Variants in EPHA3 observed in about 807,000 individuals in gnomAD.
EPHA3 encodes the protein EPH receptor A3, also known as ephrin type-A receptor 3.
A neutral mutation model predicts 107.1 loss-of-function variants in EPHA3; 42 were observed. That is an observed-to-expected ratio of 0.39 (90% CI 0.31 to 0.51). The LOEUF (loss-of-function observed/expected upper bound fraction) is 0.51. Ranked by LOEUF, EPHA3 falls within the 20% of genes least tolerant of loss-of-function variation. The pLI is 0.78. For synonymous variants in EPHA3, 461 were observed against 424.8 expected, an observed-to-expected ratio of 1.09 and a Z score of -1.05; for missense variants, 1,183 against 1,211.2, an observed-to-expected ratio of 0.98 and a Z score of 0.35.
chr3:89,127,499 G>A (rs1225918819), intron 2 of EPHA3, among the ~76,000 whole-genome samples: 1 of 151,844 alleles, frequency 6.6e-6, no homozygotes, highest in Non-Finnish European at 1.5e-5. Flanking sequence ...TGCTTGAATG[G>A]ACTGATTAAA....
At chr3:89,292,450 C>T (rs534721127) in intron 3 of EPHA3, among the ~76,000 whole-genome samples, 1 of 152,206 alleles carries the variant, frequency 6.6e-6, no homozygotes, top group African/African-American at 2.4e-5. Context: ...CCACAGGGGT[C>T]CTGGAACGAG....
chr3:89,351,337 C>A (rs1485532260), intron 5 of EPHA3, among the ~76,000 whole-genome samples: 1 of 151,146 alleles, frequency 6.6e-6, no homozygotes, highest in Non-Finnish European at 1.5e-5. Flanking sequence ...TTTTTTAAGC[C>A]GGTCTGAAAA....
chr3:89,175,235 A>G (rs528974085), intron 2 of EPHA3, among the ~76,000 whole-genome samples: 80 of 152,256 alleles, frequency 5.3e-4, no homozygotes, highest in Non-Finnish European at 1.0e-3. Flanking sequence ...CCAACACTTG[A>G]TAATTTACAG....
chr3:89,319,949 ACAGAACAAAGT>A (rs1707004829), intron 3 of EPHA3, among the ~76,000 whole-genome samples: 1 of 151,978 alleles, frequency 6.6e-6, no homozygotes, highest in Admixed American at 6.6e-5. Context: ...ATATACAATA[ACAGAACAAAGT>A]GGTATTTATA....
intron 2 of EPHA3, among the ~76,000 whole-genome samples, chr3:89,177,768 A>T (rs776942462): frequency 6.6e-6 from 1 of 152,148 alleles, no homozygotes; most frequent in Non-Finnish European, 1.5e-5. Context: ...TGTAGTCCTG[A>T]CAACATTTGA....
At chr3:89,442,132 A>T (rs1709797525) in intron 13 of EPHA3, among the ~76,000 whole-genome samples, 1 of 152,180 alleles carries the variant, frequency 6.6e-6, no homozygotes, top group Admixed American at 6.5e-5. Context: ...ACAGGAAGTT[A>T]TCCTAAAAAA....
chr3:89,410,154 G>A (rs1358639724), intron 9 of EPHA3, among the ~76,000 whole-genome samples: 2 of 151,882 alleles, frequency 1.3e-5, no homozygotes, highest in Non-Finnish European at 2.9e-5. Flanking sequence ...ACTTGGGGGT[G>A]TATATGTTTA....
At chr3:89,185,579 T>C (rs1214721695) in intron 2 of EPHA3, among the ~76,000 whole-genome samples, 2 of 152,086 alleles carry the variant, frequency 1.3e-5, no homozygotes, top group Non-Finnish European at 2.9e-5. Flanking sequence ...GACTGTCTTT[T>C]GTATCTTCTC....
At chr3:89,143,459 G>A (rs145823929) in intron 2 of EPHA3, among the ~76,000 whole-genome samples, 1 of 151,570 alleles carries the variant, frequency 6.6e-6, no homozygotes, top group Non-Finnish European at 1.5e-5. Context: ...CAAGGACCAA[G>A]TATACTAGTG....
chr3:89,320,808 A>T (rs1389350025), intron 3 of EPHA3, among the ~76,000 whole-genome samples: 3 of 152,090 alleles, frequency 2.0e-5, no homozygotes, highest in Non-Finnish European at 2.9e-5. Flanking sequence ...ACTATTCACC[A>T]AAATTACCCT....
At chr3:89,159,792 G>T (rs1163904558) in intron 2 of EPHA3, among the ~76,000 whole-genome samples, 5 of 152,010 alleles carry the variant, frequency 3.3e-5, no homozygotes, top group Non-Finnish European at 7.4e-5. Context: ...AGTACTCACT[G>T]TAATGAAACA....
chr3:89,308,389 A>G (rs1227144641), intron 3 of EPHA3, among the ~76,000 whole-genome samples: 1 of 152,180 alleles, frequency 6.6e-6, no homozygotes, highest in Non-Finnish European at 1.5e-5. Context: ...ACCATCAGAG[A>G]TGAAAACATA....
At chr3:89,272,930 C>T (rs551617539) in intron 3 of EPHA3, among the ~76,000 whole-genome samples, 5 of 151,816 alleles carry the variant, frequency 3.3e-5, no homozygotes, top group Non-Finnish European at 1.5e-5. Context: ...AACCATGTAT[C>T]TCTGGCTTAA....
intron 3 of EPHA3, among the ~76,000 whole-genome samples, chr3:89,338,642 TG>T (rs1348556034): frequency 6.6e-6 from 1 of 152,168 alleles, no homozygotes; most frequent in African/African-American, 2.4e-5. Flanking sequence ...TCCGCCTCCC[TG>T]GTTCCCGCCA....
intron 2 of EPHA3, among the ~76,000 whole-genome samples, chr3:89,141,275 T>C (rs1180305288): frequency 6.6e-6 from 1 of 151,520 alleles, no homozygotes; most frequent in Admixed American, 6.6e-5. Context: ...AATTAGGATG[T>C]TTACTCCATG....
At chr3:89,172,443 A>AC (rs1705231976) in intron 2 of EPHA3, among the ~76,000 whole-genome samples, 1 of 152,214 alleles carries the variant, frequency 6.6e-6, no homozygotes, top group Non-Finnish European at 1.5e-5. Flanking sequence ...ACCAGGCTGT[A>AC]CAGTCAGGCC....
intron 13 of EPHA3, among the ~76,000 whole-genome samples, chr3:89,446,263 G>A (rs1450467256): frequency 6.6e-6 from 1 of 152,116 alleles, no homozygotes; most frequent in Non-Finnish European, 1.5e-5. Flanking sequence ...ATTCAGGTGA[G>A]TGAAGCTTTC....
intron 5 of EPHA3, among the ~76,000 whole-genome samples, chr3:89,350,334 C>G (rs1367520175): frequency 4.0e-5 from 6 of 150,982 alleles, no homozygotes; most frequent in Non-Finnish European, 8.9e-5. Context: ...TCTTTTTTCT[C>G]TAAACTTCCC....
intron 2 of EPHA3, among the ~76,000 whole-genome samples, chr3:89,148,108 A>G (rs1704607793): frequency 6.6e-6 from 1 of 151,964 alleles, no homozygotes; most frequent in Non-Finnish European, 1.5e-5. Context: ...GTGTTGATTA[A>G]ATGCAAATAT....
Sources: allele counts gnomAD v4.1 joint callset (sites outside exome capture counted in the v4.1 genomes callset), GRCh38; gene constraint gnomAD v4.1.1; transcripts MANE v1.5; gene names NCBI Gene and HGNC (gene_info 2026-07-23, HGNC 2026-07-21).